The following DAPK1 variants were observed in gnomAD, a reference collection of about 807,000 sequenced individuals.
The protein encoded by DAPK1 is death associated protein kinase 1.
In DAPK1, 56 loss-of-function variants were observed where a neutral mutation model predicts 144.9. The observed-to-expected ratio is 0.39, with a 90% CI of 0.31 to 0.48. The LOEUF is 0.48. Ranked by LOEUF, DAPK1 falls within the 20% of genes least tolerant of loss-of-function variation. DAPK1 has a pLI of 0.95. For synonymous variants in DAPK1, 690 were observed against 749.0 expected (o/e 0.92, Z 1.29); for missense variants, 1,454 against 1,875.4 (o/e 0.78, Z 4.15).
At chr9:87,623,543 CCAT>C (rs1330157710) in intron 3 of DAPK1, among the ~76,000 whole-genome samples, 1 of 152,090 alleles carries the variant, frequency 6.6e-6, no homozygotes, top group Non-Finnish European at 1.5e-5. Context: ...CAGTCCGTCC[CCAT>C]CATCAAGCAG....
At position 87,638,162 on chromosome 9, in the gene DAPK1, A is replaced by G. The variant is rs897241434; in HGVS notation, c.423+81A>G. Reference sequence around the variant, plus strand: ...TTTCTCTGCTAAGAAAAATTGAGGCATCTGAAAGAGTTACATGATTTTCCT... The same window carrying G: ...TTTCTCTGCTAAGAAAAATTGAGGCGTCTGAAAGAGTTACATGATTTTCCT... On this transcript the variant is annotated intron_variant, in intron 4 of 25. Coordinates refer to ENST00000408954, the MANE Select transcript of DAPK1 (RefSeq NM_004938.4). 1.7e-5 allele frequency: 24 copies of G among 1,411,008 alleles called. No individual in the cohort carries two copies. The African/African-American group carries it at 1.9e-4, about 11-fold the overall frequency. 87.4% of individuals were successfully genotyped at this position (1,411,008 alleles called of 1,614,324 possible).
chr9:87,627,504 T>C (rs1829531967), intron 3 of DAPK1, among the ~76,000 whole-genome samples: 1 of 151,508 alleles, frequency 6.6e-6, no homozygotes, highest in African/African-American at 2.4e-5. Context: ...TTGCTCCCTC[T>C]CCCCTTGCCC....
At chr9:87,568,684 G>A (rs1460695394) in intron 2 of DAPK1, among the ~76,000 whole-genome samples, 1 of 152,144 alleles carries the variant, frequency 6.6e-6, no homozygotes. Flanking sequence ...GAAGGGGAAG[G>A]CTGTCACATG....
intron 2 of DAPK1, among the ~76,000 whole-genome samples, chr9:87,555,796 G>A (rs906439571): frequency 1.3e-5 from 2 of 152,194 alleles, no homozygotes; most frequent in African/African-American, 4.8e-5. Flanking sequence ...AGCCACTGCA[G>A]CCAGAAGCAC....
chr9:87,639,796 G>A lies in DAPK1; in HGVS notation c.610G>A (p.Gly204Arg), dbSNP rs1830033317. The A allele has an allele frequency of 6.2e-7, 1 of 1,613,238 alleles. No individual in the cohort carries two copies. Among genetic ancestry groups the A allele is most frequent in the Non-Finnish European group, 8.5e-7 (1 of 1,179,448 alleles). The stretch of plus-strand genomic sequence containing the variant: ...GTTTTGTGTTGTTTTTAGGAGTATC[G>A]GGGTAATAACCTATATCCTGTAAGT... ...LGLEADMWSI[G>R]VITYILLSGA... is the part of the protein sequence containing the mutation. Residue 204 changes from glycine (G) to arginine (R), a missense_variant, in exon 7 of 26, where the codon GGG becomes AGG. By Grantham distance (125) the Gly-to-Arg change is moderately radical. Transcript: ENST00000408954.
rs1400795940 is a variant in DAPK1, at chr9:87,650,040, G to A, written c.1548G>A (p.Leu516=). The change falls in exon 16 of 26, where the codon CTG becomes CTA. Residue 516 remains leucine (L), a synonymous_variant. Transcript: ENST00000408954. The part of the protein sequence containing the change: ...IKNREGETPL[L]TASARGYHDI... ...ACCGAGAAGGAGAGACGCCCCTCCTGACAGCCTCTGCCAGGGGCTACCACG... is the reference window on the plus strand; with the variant it reads ...ACCGAGAAGGAGAGACGCCCCTCCTAACAGCCTCTGCCAGGGGCTACCACG... 1.9e-6 allele frequency: 3 copies of A among 1,613,966 alleles called. No homozygotes were observed. The African/African-American group carries it at 4.0e-5, about 22-fold the overall frequency.
At chr9:87,700,327 A>G in intron 24 of DAPK1, 90 bp downstream of exon 24, 1 of 949,870 alleles carries the variant, frequency 1.1e-6, no homozygotes, top group South Asian at 1.4e-5. Flanking sequence ...AGTAGGACCC[A>G]GTAAGAGGTG....
chr9:87,673,821 C>G (rs1824263757), intron 19 of DAPK1, among the ~76,000 whole-genome samples: 1 of 152,144 alleles, frequency 6.6e-6, no homozygotes. Flanking sequence ...CTTCTCCCTA[C>G]CAAAGGTTGT....
chr9:87,643,806 G>A (rs530823804), intron 11 of DAPK1, among the ~76,000 whole-genome samples: 1 of 152,128 alleles, frequency 6.6e-6, no homozygotes, highest in South Asian at 2.1e-4. Context: ...CACACGCACT[G>A]ATATTTTGGT....
intron 2 of DAPK1, among the ~76,000 whole-genome samples, chr9:87,573,451 A>G (rs2118765870): frequency 6.6e-6 from 1 of 152,370 alleles, no homozygotes; most frequent in South Asian, 2.1e-4. Flanking sequence ...TACAACATCC[A>G]GAGATGATGG....
At chr9:87,642,210 A>G in intron 10 of DAPK1, 152 bp downstream of exon 10, 1 of 518,064 alleles carries the variant, frequency 1.9e-6, no homozygotes, top group Non-Finnish European at 3.3e-6. Context: ...CCATTACTCT[A>G]TTTTGAAAAA....
At chr9:87,639,295 C>T in intron 4 of DAPK1, 59 bp from the exon 5 acceptor site, 2 of 1,421,140 alleles carry the variant, frequency 1.4e-6, no homozygotes, top group Non-Finnish European at 1.9e-6. Context: ...ACTATTCTGC[C>T]ATCTTGTCCT....
intron 3 of DAPK1, among the ~76,000 whole-genome samples, chr9:87,609,544 A>G (rs1007361442): frequency 1.3e-5 from 2 of 152,188 alleles, no homozygotes; most frequent in African/African-American, 2.4e-5. Context: ...AATTTTTAAT[A>G]GACTATTGAA....
At chr9:87,611,080 A>G (rs1219023549) in intron 3 of DAPK1, among the ~76,000 whole-genome samples, 1 of 152,238 alleles carries the variant, frequency 6.6e-6, no homozygotes, top group East Asian at 1.9e-4. Context: ...GATCACTACT[A>G]TAGGAGAAGT....
chr9:87,642,319 G>A (rs1830125472), intron 10 of DAPK1, among the ~76,000 whole-genome samples: 1 of 152,146 alleles, frequency 6.6e-6, no homozygotes, highest in South Asian at 2.1e-4. Context: ...TTTTATAGCA[G>A]CACTGTAAAA....
rs1197306025 is a variant in DAPK1, at chr9:87,707,519, C to T, written c.*155C>T. On this transcript the variant is annotated 3_prime_UTR_variant, in exon 26 of 26. Coordinates refer to ENST00000408954, the MANE Select transcript of DAPK1 (RefSeq NM_004938.4). The surrounding 1 kb of genome is among the most constrained non-coding windows in gnomAD (Gnocchi z 4.0). ...CCTCCGGCTTGACCTGTTTCTCTGC[C>T]GCTACCTCCCTCCCCGTCTCATTCC... 6.6e-6 allele frequency: 4 copies of T among 604,250 alleles called. No homozygotes were observed. Among genetic ancestry groups the T allele is most frequent in the Admixed American group, 3.0e-5 (1 of 33,894 alleles). The allele number at this position is 604,250 out of a possible 1,614,324, so 37.4% of individuals were successfully genotyped here. A position where few individuals can be genotyped will look rare whatever the true frequency, so the allele number is the denominator to read the frequency against.
At chr9:87,640,256 G>A in intron 7 of DAPK1, 42 bp from the exon 8 acceptor site, 2 of 1,585,238 alleles carry the variant, frequency 1.3e-6, no homozygotes, top group Admixed American at 3.5e-5. Context: ...CAACACCAAG[G>A]GGTCATCATT....
At chr9:87,612,482 C>G (rs1828964405) in intron 3 of DAPK1, among the ~76,000 whole-genome samples, 1 of 152,062 alleles carries the variant, frequency 6.6e-6, no homozygotes, top group South Asian at 2.1e-4. Flanking sequence ...AAGGACCATC[C>G]CTACCAACGT....
Position 87,608,357 on chromosome 9 carries a change from T to A in DAPK1, c.284+3182T>A, listed in dbSNP as rs942028256. On this transcript the variant is annotated intron_variant, in intron 3 of 25. Transcript: ENST00000408954. ...TTTATTACTGAGTAGTATTTCATTG[T>A]ATGGATTTTTTATAAACCATTCACC... Among the ~76,000 whole-genome samples the A allele has an allele frequency of 3.3e-5, 5 of 152,242 alleles. No homozygotes were observed. In the East Asian group the frequency reaches 9.6e-4, roughly 29 times the overall value.
Sources: gnomAD v4.1 joint callset for allele counts (sites outside exome capture counted in the v4.1 genomes callset) on GRCh38, gnomAD v4.1.1 for gene constraint, Gnocchi (gnomAD v3.1) non-coding constraint, MANE v1.5 for transcripts, NCBI Gene and HGNC (gene_info 2026-07-23, HGNC 2026-07-21) for gene names.